MYO15B: variants seen among roughly 807,000 people sequenced by gnomAD.
MYO15B encodes the protein myosin XVB.
MYO15B carries 207 observed loss-of-function variants against 119.3 expected under a neutral mutation model. The ratio of observed to expected loss-of-function variants is 1.73; its 90% CI spans 1.55 to 1.95. MYO15B has a LOEUF of 1.95. Among genes scored for constraint, MYO15B ranks in the 30% most tolerant of loss-of-function variants. MYO15B has a pLI of 0.00. For missense variants in MYO15B, 2,264 were observed against 1,203.1 expected (o/e 1.88, Z -13.04); for synonymous variants, 966 against 498.9 (o/e 1.94, Z -12.48).
At chr17:75,594,530 C>T (rs1415830244) in exon 10 of MYO15B, 1 of 630,676 alleles carries the variant, frequency 1.6e-6, no homozygotes, top group Middle Eastern at 2.5e-4. Context: ...CACACAGCAG[C>T]CCGACTGCTG....
intron 60 of MYO15B, 35 bp from the exon 61 acceptor site, chr17:75,625,492 T>C (rs1371635129): frequency 1.4e-6 from 1 of 702,572 alleles, no homozygotes; most frequent in African/African-American, 1.7e-5. Context: ...TACCAGGTGG[T>C]CAGGGGCCAA....
exon 1 of MYO15B, chr17:75,588,005 C>T (rs62089218): frequency 0.089 from 35,502 of 398,118 alleles, 1,762 homozygotes; most frequent in Middle Eastern, 0.15. Context: ...GCCAAATCCC[C>T]GGGGAGGGGA....
In MYO15B at chr17:75,619,875, G is replaced by A. The variant is rs1282543355; in HGVS notation, c.7302-4G>A. The A allele has an allele frequency of 1.9e-5, 13 of 702,220 alleles. No homozygotes were observed. The highest frequency in any genetic ancestry group is 1.6e-4 in the Admixed American group (8 of 49,976). 43.5% of individuals were successfully genotyped at this position (702,220 alleles called of 1,614,324 possible). On this transcript the variant is annotated splice_polypyrimidine_tract_variant and splice_region_variant and intron_variant, in intron 46 of 63. Coordinates refer to ENST00000645453, the Ensembl canonical transcript of MYO15B. ...ACCTCAGTTCATGCCCGATCCCTGCGCAGCTTTGCGGAGGTGCTGGGTGTG... is the reference window on the plus strand; with the variant it reads ...ACCTCAGTTCATGCCCGATCCCTGCACAGCTTTGCGGAGGTGCTGGGTGTG...
rs1185601955 is a variant in MYO15B, at chr17:75,596,441, C to T, written c.3298-19C>T. ...AGGGCACAGCCCCATGTGCCCACCT[C>T]ACTGCCACATGCCCCCAGGCCCTGC... On this transcript the variant is annotated intron_variant, in intron 12 of 63. Transcript: ENST00000645453. 1 of 702,924 alleles carries T rather than the reference C, an allele frequency of 1.4e-6. No individual in the cohort carries two copies. The highest frequency in any genetic ancestry group is 2.7e-5 in the East Asian group (1 of 37,286). 43.5% of individuals were successfully genotyped at this position (702,924 alleles called of 1,614,324 possible).
At chr17:75,621,842 T>A in intron 52 of MYO15B, 162 bp from the exon 53 acceptor site, 1 of 613,240 alleles carries the variant, frequency 1.6e-6, no homozygotes, top group Non-Finnish European at 2.9e-6. Context: ...AGCCTCAGTT[T>A]CCCCATGAGT....
chr17:75,618,026 C>T, intron 42 of MYO15B, 100 bp from the exon 43 acceptor site: 1 of 692,368 alleles, frequency 1.4e-6, no homozygotes, highest in Admixed American at 2.0e-5. Context: ...TCCCCACAGC[C>T]CACCATCTCA....
chr17:75,596,449 C>T lies in MYO15B; in HGVS notation c.3298-11C>T. The T allele has an allele frequency of 2.8e-6, 2 of 702,998 alleles. No individual in the cohort carries two copies. The highest frequency in any genetic ancestry group is 5.2e-6 in the Non-Finnish European group (2 of 384,976). 43.5% of individuals were successfully genotyped at this position (702,998 alleles called of 1,614,324 possible). On this transcript the variant is annotated splice_polypyrimidine_tract_variant and intron_variant, in intron 12 of 63. Coordinates refer to ENST00000645453, the Ensembl canonical transcript of MYO15B. ...GCCCCATGTGCCCACCTCACTGCCA[C>T]ATGCCCCCAGGCCCTGCGGGTGAAT...
At chr17:75,603,436 T>TC in intron 19 of MYO15B, 124 bp downstream of exon 19, 1 of 613,786 alleles carries the variant, frequency 1.6e-6, no homozygotes, top group Non-Finnish European at 2.9e-6. Flanking sequence ...CACCCAACCC[T>TC]CCCTCTCTCT....
chr17:75,619,088 C>G, intron 43 of MYO15B, 55 bp from the exon 44 acceptor site: 1 of 701,910 alleles, frequency 1.4e-6, no homozygotes, highest in South Asian at 1.5e-5. Context: ...GATGGCTGCT[C>G]TGGGGGTGGG....
chr17:75,612,805 C>T, exon 26 of MYO15B: 1 of 703,024 alleles, frequency 1.4e-6, no homozygotes, highest in Non-Finnish European at 2.6e-6. Flanking sequence ...CAGGAACCGT[C>T]CCTGCCCAGG....
intron 9 of MYO15B, among the ~76,000 whole-genome samples, chr17:75,593,624 A>C (rs1200652597): frequency 1.3e-5 from 2 of 151,084 alleles, no homozygotes; most frequent in South Asian, 2.1e-4. Context: ...AGAAAAAAAA[A>C]AAAAAACAAA....
At chr17:75,623,815 A>G in exon 54 of MYO15B, 1 of 702,902 alleles carries the variant, frequency 1.4e-6, no homozygotes, top group Non-Finnish European at 2.6e-6. Flanking sequence ...GATGAGATTT[A>G]CTGCCAGGTT....
intron 21 of MYO15B, among the ~76,000 whole-genome samples, chr17:75,607,955 C>A (rs2057764417): frequency 6.6e-6 from 1 of 152,126 alleles, no homozygotes; most frequent in Non-Finnish European, 1.5e-5. Flanking sequence ...AGTACTTATT[C>A]TTTTCCATTT....
exon 62 of MYO15B, chr17:75,625,902 C>A: frequency 1.4e-6 from 1 of 702,916 alleles, no homozygotes; most frequent in South Asian, 1.5e-5. Context: ...TGCGAGTGAG[C>A]ATGCAGGCCC....
At chr17:75,616,733 C>T (rs747356863) in exon 39 of MYO15B, 29 of 702,940 alleles carry the variant, frequency 4.1e-5, no homozygotes, top group Middle Eastern at 2.3e-4. Flanking sequence ...CAACATCATC[C>T]GCATGTACCA....
At chr17:75,616,136 T>C (rs2058356628) in exon 37 of MYO15B, 2 of 562,404 alleles carry the variant, frequency 3.6e-6, no homozygotes, top group Admixed American at 3.5e-5. Context: ...CGGAACTATT[T>C]CCAGAGGATG....
At chr17:75,614,080 A>G in intron 29 of MYO15B, 119 bp from the exon 30 acceptor site, 1 of 633,906 alleles carries the variant, frequency 1.6e-6, no homozygotes, top group Non-Finnish European at 2.9e-6. Context: ...TGGGTCCCGG[A>G]CCAGGCGGAT....
chr17:75,616,686 C>A, exon 39 of MYO15B: 1 of 702,952 alleles, frequency 1.4e-6, no homozygotes, highest in East Asian at 2.7e-5. Context: ...AGCTCAGACT[C>A]CAAGCCCAAG....
intron 16 of MYO15B, 39 bp from the exon 17 acceptor site, chr17:75,602,791 G>A (rs1432578778): frequency 2.6e-5 from 16 of 607,284 alleles, no homozygotes; most frequent in South Asian, 3.9e-5. Context: ...GGATGGGCAC[G>A]CCCCAGCGGC....
Sources: gnomAD v4.1 joint callset for allele counts (sites outside exome capture counted in the v4.1 genomes callset) on GRCh38, gnomAD v4.1.1 for gene constraint, MANE v1.5 for transcripts, NCBI Gene and HGNC (gene_info 2026-07-23, HGNC 2026-07-21) for gene names.